The following SPOCK3 variants were observed in gnomAD, a reference collection of about 807,000 sequenced individuals.
The protein encoded by SPOCK3 is testican-3.
Under a neutral mutation model 56.6 loss-of-function variants are expected in SPOCK3, and 30 were observed. The ratio of observed to expected loss-of-function variants is 0.53; its 90% CI spans 0.40 to 0.72. The LOEUF is 0.72. Among genes scored for constraint, SPOCK3 ranks in the 30% least tolerant of loss-of-function variants. The pLI, the probability that SPOCK3 is intolerant of heterozygous loss-of-function variation, is 0.00. For missense variants in SPOCK3, 527 were observed against 530.0 expected, an observed-to-expected ratio of 0.99 and a Z score of 0.06; for synonymous variants, 196 against 183.3, an observed-to-expected ratio of 1.07 and a Z score of -0.56.
intron 3 of SPOCK3, among the ~76,000 whole-genome samples, chr4:167,026,680 A>G (rs1751722945): frequency 1.3e-5 from 2 of 152,226 alleles, no homozygotes; most frequent in South Asian, 2.1e-4. Context: ...ATTAATTGAT[A>G]AAGTGAAAAT....
intron 7 of SPOCK3, among the ~76,000 whole-genome samples, chr4:166,767,054 T>G (rs572934537): frequency 6.6e-6 from 1 of 152,344 alleles, no homozygotes; most frequent in East Asian, 1.9e-4. Context: ...TCATTGTTTA[T>G]TGCATCTATT....
intron 6 of SPOCK3, among the ~76,000 whole-genome samples, chr4:166,799,412 G>C (rs1288292006): frequency 6.6e-6 from 1 of 152,076 alleles, no homozygotes; most frequent in Non-Finnish European, 1.5e-5. Context: ...TTTGAAGGCC[G>C]AATACCTGAG....
At chr4:167,109,167 T>C (rs1472765061) in intron 2 of SPOCK3, among the ~76,000 whole-genome samples, 3 of 75,748 alleles carry the variant, frequency 4.0e-5, no homozygotes, top group Non-Finnish European at 6.7e-5. Context: ...ATTATATATT[T>C]ATATAAAAAT....
intron 2 of SPOCK3, among the ~76,000 whole-genome samples, chr4:167,134,166 C>A (rs750629703): frequency 3.3e-5 from 5 of 151,050 alleles, no homozygotes; most frequent in Non-Finnish European, 7.4e-5. Context: ...GTAGCTGGGA[C>A]TACAGGTGTG....
chr4:167,135,020 T>C (rs1303683353), intron 2 of SPOCK3, among the ~76,000 whole-genome samples: 2 of 151,610 alleles, frequency 1.3e-5, no homozygotes, highest in African/African-American at 4.8e-5. Flanking sequence ...TTAGTTCAAG[T>C]AGAACTTAAG....
intron 5 of SPOCK3, among the ~76,000 whole-genome samples, chr4:166,896,915 C>T (rs541009601): frequency 6.6e-6 from 1 of 152,166 alleles, no homozygotes; most frequent in Non-Finnish European, 1.5e-5. Context: ...CAACCCTTCC[C>T]CCCTTCACCA....
intron 5 of SPOCK3, among the ~76,000 whole-genome samples, chr4:166,908,526 GCACACACACACACACACA>G (rs377518404): frequency 7.4e-6 from 1 of 136,044 alleles, no homozygotes; most frequent in Non-Finnish European, 1.6e-5. Flanking sequence ...TCAAAACCAT[GCACACACACACACACACA>G]CACACACACA....
At chr4:166,770,208 G>A (rs182293098) in intron 7 of SPOCK3, among the ~76,000 whole-genome samples, 9 of 152,172 alleles carry the variant, frequency 5.9e-5, no homozygotes, top group African/African-American at 9.6e-5. Context: ...CCCACTGTCC[G>A]ATAAGCCCCA....
At chr4:167,116,613 GTATATATATACA>G (rs773433121) in intron 2 of SPOCK3, among the ~76,000 whole-genome samples, 24 of 125,082 alleles carry the variant, frequency 1.9e-4, no homozygotes, top group East Asian at 1.8e-3. Flanking sequence ...TACTATATAC[GTATATATATACA>G]TATATACTAT....
Position 166,809,476 on chromosome 4 carries a change from TTTAAGTA to T in SPOCK3, c.590-17194_590-17188del, listed in dbSNP as rs546114625. Among the ~76,000 whole-genome samples, 53 of 152,144 alleles carry T rather than the reference TTTAAGTA, an allele frequency of 3.5e-4. 1 individual carries two copies. In the East Asian group the frequency reaches 8.3e-3, roughly 24 times the overall value. On this transcript the variant is annotated intron_variant, in intron 6 of 10. Coordinates refer to ENST00000357545, the MANE Select transcript of SPOCK3 (RefSeq NM_001040159.2). ...TGGCTAATGAATAAATGAAGATAAT[TTTAAGTA>T]TTAACAAACAATTCTGATACATATT...
At chr4:166,782,228 C>T (rs1034650036) in intron 7 of SPOCK3, among the ~76,000 whole-genome samples, 6 of 152,132 alleles carry the variant, frequency 3.9e-5, no homozygotes, top group South Asian at 2.1e-4. Context: ...TGTTTTTGTA[C>T]CCATTAACCA....
rs138063313 is a variant in SPOCK3 at position 167,180,374 on chromosome 4, C to T, written c.189+53611G>A. On this transcript the variant is annotated intron_variant, in intron 2 of 10. Coordinates refer to ENST00000357545, the MANE Select transcript of SPOCK3 (RefSeq NM_001040159.2). ...CATTGAGGAATGCCCCCAAAAGCAG[C>T]GGCTGTCATGGTCAGGACAGAACAG... Among the ~76,000 whole-genome samples, 187 of 152,238 alleles carry T rather than the reference C, an allele frequency of 1.2e-3. 2 individuals carry two copies. The Middle Eastern group carries it at 0.024, about 19-fold the overall frequency.
At chr4:167,182,702 C>T (rs1401291308) in intron 2 of SPOCK3, among the ~76,000 whole-genome samples, 1 of 151,776 alleles carries the variant, frequency 6.6e-6, no homozygotes, top group Non-Finnish European at 1.5e-5. Context: ...TATGCCTGGC[C>T]AATTTTTGTA....
At chr4:167,001,362 T>A (rs768478490) in intron 3 of SPOCK3, among the ~76,000 whole-genome samples, 5 of 152,330 alleles carry the variant, frequency 3.3e-5, no homozygotes, top group Non-Finnish European at 7.4e-5. Flanking sequence ...CTGGACATTT[T>A]ATATAAATTG....
chr4:166,884,870 A>AACACACACACAC (rs34910996), intron 6 of SPOCK3, among the ~76,000 whole-genome samples: 37 of 147,570 alleles, frequency 2.5e-4, no homozygotes, highest in African/African-American at 7.5e-4. Context: ...AAACTGGTTA[A>AACACACACACAC]ACACACACAC....
At chr4:167,005,286 T>C (rs1036532177) in intron 3 of SPOCK3, among the ~76,000 whole-genome samples, 4 of 152,010 alleles carry the variant, frequency 2.6e-5, no homozygotes, top group Admixed American at 6.6e-5. Context: ...CTCAGCTCAC[T>C]GCAAGCTCTG....
chr4:166,959,334 G>A (rs1476917814), intron 4 of SPOCK3, among the ~76,000 whole-genome samples: 1 of 152,110 alleles, frequency 6.6e-6, no homozygotes, highest in African/African-American at 2.4e-5. Flanking sequence ...TGAATTCTCG[G>A]CCAGGCGTGG....
chr4:167,005,359 A>G (rs1421930539), intron 3 of SPOCK3, among the ~76,000 whole-genome samples: 2 of 151,702 alleles, frequency 1.3e-5, no homozygotes, highest in Non-Finnish European at 2.9e-5. Flanking sequence ...ACAGGCGCCC[A>G]CCACCACGCC....
intron 2 of SPOCK3, among the ~76,000 whole-genome samples, chr4:167,169,674 G>A (rs1417714427): frequency 2.0e-5 from 3 of 152,148 alleles, no homozygotes; most frequent in Admixed American, 2.0e-4. Context: ...TTAGGGGACT[G>A]TTGGAAGGCA....
Sources: gnomAD v4.1 joint callset for allele counts (sites outside exome capture counted in the v4.1 genomes callset) on GRCh38, gnomAD v4.1.1 for gene constraint, MANE v1.5 for transcripts, NCBI Gene and HGNC (gene_info 2026-07-23, HGNC 2026-07-21) for gene names.